The following C1orf159 variants were observed in gnomAD, a reference collection of about 807,000 sequenced individuals.
C1orf159 encodes the protein chromosome 1 open reading frame 159, also known as uncharacterized protein C1orf159.
In C1orf159, 19 loss-of-function variants were observed where a neutral mutation model predicts 25.6. The ratio of observed to expected loss-of-function variants is 0.74; its 90% CI spans 0.52 to 1.09. The LOEUF (loss-of-function observed/expected upper bound fraction) is 1.09. Ranked by LOEUF, C1orf159 falls within the 50% of genes least tolerant of loss-of-function variation. C1orf159 has a pLI of 0.00. For missense variants in C1orf159, 274 were observed against 290.6 expected (o/e 0.94, Z 0.42); for synonymous variants, 139 against 124.7 (o/e 1.12, Z -0.77).
At chr1:1,102,918 C>T (rs916922859) in intron 1 of C1orf159, among the ~76,000 whole-genome samples, 2 of 151,976 alleles carry the variant, frequency 1.3e-5, no homozygotes, top group African/African-American at 4.8e-5. Flanking sequence ...CAGCCTCTGC[C>T]TCCTGGGCTC....
chr1:1,110,945 G>A lies in C1orf159; in HGVS notation c.-136+5115C>T, dbSNP rs896630473. Among the ~76,000 whole-genome samples the A allele has an allele frequency of 3.3e-5, 5 of 152,366 alleles. No individual in the cohort carries two copies. Among genetic ancestry groups the A allele is most frequent in the Middle Eastern group, 3.4e-3 (1 of 294 alleles). The stretch of plus-strand genomic sequence containing the variant: ...CTCCTGTCTGGCGCGGCAGGCGGGC[G>A]CTGGAGCAGCCTGCGAGGCAATCTC... On this transcript the variant is annotated intron_variant, in intron 1 of 9. Coordinates refer to ENST00000421241, the MANE Select transcript of C1orf159 (RefSeq NM_017891.5). The surrounding 1 kb of genome is among the most constrained non-coding windows in gnomAD (Gnocchi z 4.8).
rs1451995368 is a variant in C1orf159 at position 1,090,757 on chromosome 1, A to G, written c.73-329T>C. 4 of 905,006 alleles carry G rather than the reference A, an allele frequency of 4.4e-6. No homozygotes were observed. The African/African-American group carries it at 5.0e-5, about 11-fold the overall frequency. 56.1% of individuals were successfully genotyped at this position (905,006 alleles called of 1,614,324 possible). A position where few individuals can be genotyped will look rare whatever the true frequency, so the allele number is the denominator to read the frequency against. On this transcript the variant is annotated intron_variant, in intron 3 of 9. Transcript: ENST00000421241. ...CTCTGCAAGTCTCCGGAGGCTCTCC[A>G]TCAGGGGTTTCCGCTTGACCCCACA...
intron 1 of C1orf159, among the ~76,000 whole-genome samples, chr1:1,099,643 A>C (rs1355635117): frequency 1.3e-5 from 2 of 149,336 alleles, no homozygotes; most frequent in Admixed American, 6.7e-5. Context: ...AGAGAGGTTA[A>C]AATCTCTGAC....
At chr1:1,095,863 G>GT (rs960195033) in intron 1 of C1orf159, among the ~76,000 whole-genome samples, 6 of 152,032 alleles carry the variant, frequency 3.9e-5, no homozygotes, top group African/African-American at 4.8e-5. Flanking sequence ...GTTTACTGAG[G>GT]TTTTTTTAAA....
intron 9 of C1orf159, chr1:1,084,147 C>A: frequency 7.1e-6 from 11 of 1,547,240 alleles, no homozygotes; most frequent in Non-Finnish European, 9.6e-6. Context: ...CAGGGGGCGC[C>A]GGCCAAATCC....
chr1:1,114,363 G>C (rs915287864), intron 1 of C1orf159, among the ~76,000 whole-genome samples: 3 of 152,110 alleles, frequency 2.0e-5, no homozygotes, highest in Admixed American at 2.0e-4. Flanking sequence ...ATTTTTTATA[G>C]AGACGAGGTC....
chr1:1,091,697 G>A (rs1406550185), intron 2 of C1orf159, 132 bp from the exon 3 acceptor site: 10 of 638,334 alleles, frequency 1.6e-5, no homozygotes, highest in Middle Eastern at 4.1e-4. Flanking sequence ...AGAGCCAAAT[G>A]GAGATGGGTG....
intron 1 of C1orf159, among the ~76,000 whole-genome samples, chr1:1,105,716 C>A (rs775382319): frequency 5.3e-5 from 8 of 149,690 alleles, no homozygotes; most frequent in African/African-American, 7.6e-5. Context: ...CCTGTCTCTA[C>A]TTAAAACACA....
chr1:1,090,891 C>T (rs758892239), intron 3 of C1orf159: 8 of 1,550,176 alleles, frequency 5.2e-6, no homozygotes, highest in South Asian at 1.2e-5. Context: ...GTGTGAGGGC[C>T]CATTCCCTGA....
Position 1,110,179 on chromosome 1 carries a change from A to G in C1orf159, c.-136+5881T>C, listed in dbSNP as rs1349275706. On this transcript the variant is annotated intron_variant, in intron 1 of 9. Coordinates refer to ENST00000421241, the MANE Select transcript of C1orf159 (RefSeq NM_017891.5). This position sits in a 1 kb window ranked among gnomAD's most constrained non-coding sequence, Gnocchi z 4.8. ...GTCTCGTGATCTCCACTTTAACACT[A>G]ATGTTGGTCAGTTGTGTCTAAACTG... 6.6e-6 allele frequency among the ~76,000 whole-genome samples: 1 copy of G among 152,106 alleles called. No homozygotes were observed. Among genetic ancestry groups the G allele is most frequent in the Non-Finnish European group, 1.5e-5 (1 of 68,022 alleles).
At chr1:1,102,614 TAAAAAAAAAAAAAAAAA>T (rs1170365187) in intron 1 of C1orf159, among the ~76,000 whole-genome samples, 27 of 34,138 alleles carry the variant, frequency 7.9e-4, no homozygotes, top group Non-Finnish European at 1.3e-3. Flanking sequence ...CTGTCTCTAC[TAAAAAAAAAAAAAAAAA>T]AAAAAAAAAA....
chr1:1,107,904 G>C (rs981811889), intron 1 of C1orf159, among the ~76,000 whole-genome samples: 2 of 152,192 alleles, frequency 1.3e-5, no homozygotes, highest in Non-Finnish European at 2.9e-5. Flanking sequence ...CCCACCAGAA[G>C]GAAGAAACTC....
chr1:1,092,013 AC>A lies in C1orf159; in HGVS notation c.-46del, dbSNP rs1377673031. ...TACCTGCCCCTCCAGGATGGGGACT[AC>A]CGACATCAGCCCTTTGCCCGCCTGG... On this transcript the variant is annotated 5_prime_UTR_variant, in exon 2 of 10. An upstream open reading frame in the 5' UTR gains an earlier in-frame stop. Transcript: ENST00000421241. The A allele has an allele frequency of 2.6e-5, 12 of 456,810 alleles. No individual in the cohort carries two copies. The highest frequency in any genetic ancestry group is 2.4e-4 in the African/African-American group (12 of 50,086). 28.3% of individuals were successfully genotyped at this position (456,810 alleles called of 1,614,324 possible).
Position 1,110,851 on chromosome 1 carries a change from G to A in C1orf159, c.-136+5209C>T, listed in dbSNP as rs145824629. Among the ~76,000 whole-genome samples the A allele has an allele frequency of 3.7e-4, 56 of 152,328 alleles. No individual in the cohort carries two copies. The highest frequency in any genetic ancestry group is 1.3e-3 in the African/African-American group (54 of 41,574). On this transcript the variant is annotated intron_variant, in intron 1 of 9. Coordinates refer to ENST00000421241, the MANE Select transcript of C1orf159 (RefSeq NM_017891.5). The surrounding 1 kb of genome is among the most constrained non-coding windows in gnomAD (Gnocchi z 4.8). The stretch of plus-strand genomic sequence containing the variant: ...TCAACAACAGTTCTCTGCGTGAGCC[G>A]TGGCAGACGCAAAACCGCCCGCACG...
Position 1,087,161 on chromosome 1 carries a change from C to T in C1orf159, c.288G>A (p.Gly96=). Residue 96 remains glycine, a synonymous_variant, in exon 6 of 10, where the codon GGG becomes GGA. Transcript: ENST00000421241. This position sits in a 1 kb window ranked among gnomAD's most constrained non-coding sequence, Gnocchi z 8.3. The part of the protein sequence containing the change: ...GAPFPMNRSS[G]TPGRPHPGAP... ...TACCAGGATGTGGCCGCCCGGGGGT[C>T]CCTGAGCTTCTGTTCATGGGGAATG... is the stretch of plus-strand genomic sequence containing the variant. 2 of 1,610,264 alleles carry T rather than the reference C, an allele frequency of 1.2e-6. No individual in the cohort carries two copies. The highest frequency in any genetic ancestry group is 1.7e-6 in the Non-Finnish European group (2 of 1,179,556).
chr1:1,100,842 C>G (rs575241514), intron 1 of C1orf159, among the ~76,000 whole-genome samples: 129 of 152,308 alleles, frequency 8.5e-4, no homozygotes, highest in African/African-American at 3.1e-3. Context: ...CCACTTTATG[C>G]AAAATGTAGA....
At chr1:1,090,506 G>GA in intron 3 of C1orf159, 78 bp from the exon 4 acceptor site, 2 of 1,426,380 alleles carry the variant, frequency 1.4e-6, no homozygotes, top group Admixed American at 2.0e-5. Context: ...CGGCTGAGGG[G>GA]TGCCGTGGGA....
intron 1 of C1orf159, among the ~76,000 whole-genome samples, chr1:1,094,223 G>A (rs755199130): frequency 1.3e-5 from 2 of 151,712 alleles, no homozygotes; most frequent in African/African-American, 2.4e-5. Context: ...TCAGCCTCCC[G>A]AGTAGCTGAG....
rs189021740 is a variant in C1orf159 at position 1,090,770 on chromosome 1, G to A, written c.73-342C>T. The A allele has an allele frequency of 9.4e-4, 937 of 993,846 alleles. 11 individuals carry two copies. In the East Asian group the frequency reaches 0.019, roughly 20 times the overall value. 61.6% of individuals were successfully genotyped at this position (993,846 alleles called of 1,614,324 possible). On this transcript the variant is annotated intron_variant, in intron 3 of 9. Transcript: ENST00000421241. ...CGGAGGCTCTCCATCAGGGGTTTCC[G>A]CTTGACCCCACAGAGGAAGTGCCCG...
Sources: gnomAD v4.1 joint callset for allele counts (sites outside exome capture counted in the v4.1 genomes callset) on GRCh38, gnomAD v4.1.1 for gene constraint, Gnocchi (gnomAD v3.1) non-coding constraint, MANE v1.5 for transcripts, NCBI Gene and HGNC (gene_info 2026-07-23, HGNC 2026-07-21) for gene names.